The following PROSER2 variants were observed in gnomAD, a reference collection of about 807,000 sequenced individuals.
The protein encoded by PROSER2 is proline and serine-rich protein 2.
A neutral mutation model predicts 14.6 loss-of-function variants in PROSER2; 18 were observed. That is an observed-to-expected ratio of 1.23 (90% CI 0.85 to 1.83). The LOEUF (loss-of-function observed/expected upper bound fraction) is 1.83, where lower values mean the gene tolerates loss of function less well. PROSER2 is among the 40% of genes most tolerant of loss of function. The pLI is 0.00. For synonymous variants in PROSER2, 367 were observed against 286.4 expected (o/e 1.28, Z -2.84); for missense variants, 823 against 629.8 (o/e 1.31, Z -3.28).
chr10:11,866,920 C>A lies in PROSER2; in HGVS notation c.391+137C>A. The A allele has an allele frequency of 3.8e-6, 4 of 1,045,804 alleles. No individual in the cohort carries two copies. The highest frequency in any genetic ancestry group is 5.4e-6 in the Non-Finnish European group (4 of 743,390). The allele number at this position is 1,045,804 out of a possible 1,614,324, so 64.8% of individuals were successfully genotyped here. A position where few individuals can be genotyped will look rare whatever the true frequency, so the allele number is the denominator to read the frequency against. ...CCAGATTTTTATAGGGGAAAATACT[C>A]CTTGGCAGTTTCATCATCCAGCAAA... On this transcript the variant is annotated intron_variant, in intron 3 of 3. Coordinates refer to ENST00000277570, the MANE Select transcript of PROSER2 (RefSeq NM_153256.4). The surrounding 1 kb of genome is among the most constrained non-coding windows in gnomAD (Gnocchi z 6.0).
At chr10:11,828,965 G>C (rs764119179) in intron 1 of PROSER2, among the ~76,000 whole-genome samples, 1 of 152,008 alleles carries the variant, frequency 6.6e-6, no homozygotes, top group East Asian at 1.9e-4. Context: ...ATTTGAGCTG[G>C]GCCAACAAGG....
In PROSER2 at chr10:11,864,878, C is replaced by T. The variant is rs189549300; in HGVS notation, c.139-1653C>T. Among the ~76,000 whole-genome samples the T allele has an allele frequency of 2.8e-4, 42 of 152,242 alleles. No homozygotes were observed. The East Asian group carries it at 2.9e-3, about 10-fold the overall frequency. ...TACTGGGATTACAGGCGTGAGCCACCGCACCTGGCTTCTGATTTCTGATCT... is the reference window on the plus strand; with the variant it reads ...TACTGGGATTACAGGCGTGAGCCACTGCACCTGGCTTCTGATTTCTGATCT... On this transcript the variant is annotated intron_variant, in intron 2 of 3. Transcript: ENST00000277570.
chr10:11,864,606 T>C (rs76566748), intron 2 of PROSER2, among the ~76,000 whole-genome samples: 3 of 150,250 alleles, frequency 2.0e-5, no homozygotes, highest in African/African-American at 7.3e-5. Context: ...TTTTTTTTTT[T>C]GAGACAGAGT....
chr10:11,870,132 T>TC lies in PROSER2; in HGVS notation c.1037dup (p.Ser347LysfsTer146), dbSNP rs1407089941. On this transcript the variant is annotated frameshift_variant, in exon 4 of 4. Transcript: ENST00000277570. LOFTEE classifies it low-confidence loss of function (END_TRUNC). ...CGGGGCCCGGCGCTGGCCAACGGCT[T>TC]CCCAAGTGCGCACGAGGCCCTGAAG... 7.9e-6 allele frequency: 11 copies of TC among 1,388,010 alleles called. No individual in the cohort carries two copies. Among genetic ancestry groups the TC allele is most frequent in the Non-Finnish European group, 9.3e-6 (10 of 1,076,876 alleles). 86.0% of individuals were successfully genotyped at this position (1,388,010 alleles called of 1,614,324 possible). A position where few individuals can be genotyped will look rare whatever the true frequency, so the allele number is the denominator to read the frequency against.
intron 2 of PROSER2, among the ~76,000 whole-genome samples, chr10:11,864,536 T>C (rs1356548722): frequency 6.6e-6 from 1 of 152,150 alleles, no homozygotes; most frequent in Non-Finnish European, 1.5e-5. Flanking sequence ...ACAAGGATAC[T>C]ATTCTCTTAC....
intron 2 of PROSER2, among the ~76,000 whole-genome samples, chr10:11,861,074 C>G (rs981491456): frequency 1.5e-4 from 23 of 152,166 alleles, no homozygotes; most frequent in African/African-American, 5.3e-4. Context: ...CCACTGCACT[C>G]CAGCCTGGGC....
chr10:11,860,269 G>A (rs1834210157), intron 2 of PROSER2, among the ~76,000 whole-genome samples: 2 of 152,194 alleles, frequency 1.3e-5, no homozygotes, highest in East Asian at 1.9e-4. Context: ...TTGAGGATGT[G>A]AGAATCTCAG....
rs1284864235 is a variant in PROSER2 at position 11,871,090 on chromosome 10, G to C, written c.*684G>C. ...ACTCTGAGGTCTGGGACGTGTGCGT[G>C]AGCCTGTGTTTGTGTGTGTATGTTT... On this transcript the variant is annotated 3_prime_UTR_variant, in exon 4 of 4. Transcript: ENST00000277570. 1 of 152,216 alleles carries C rather than the reference G, an allele frequency of 6.6e-6. No individual in the cohort carries two copies. The highest frequency in any genetic ancestry group is 2.4e-5 in the African/African-American group (1 of 41,440). 9.4% of individuals were successfully genotyped at this position (152,216 alleles called of 1,614,324 possible). A position where few individuals can be genotyped will look rare whatever the true frequency, so the allele number is the denominator to read the frequency against.
At chr10:11,843,315 G>A (rs1214876462) in intron 1 of PROSER2, among the ~76,000 whole-genome samples, 6 of 151,380 alleles carry the variant, frequency 4.0e-5, no homozygotes, top group African/African-American at 1.2e-4. Context: ...CACTTTGGGA[G>A]GCAGAGGCAG....
At chr10:11,842,845 G>A (rs72768228) in intron 1 of PROSER2, among the ~76,000 whole-genome samples, 23,457 of 150,290 alleles carry the variant, frequency 0.16, 1,951 homozygotes, top group African/African-American at 0.21. Flanking sequence ...ATGTACATAT[G>A]TGTGCGTGAA....
At chr10:11,850,009 T>G (rs1833989030) in intron 1 of PROSER2, 1 of 152,306 alleles carries the variant, frequency 6.6e-6, no homozygotes, top group South Asian at 2.1e-4. Context: ...CCCTGGATCT[T>G]GGATTTCCCA....
chr10:11,839,344 G>A (rs1009370234), intron 1 of PROSER2, among the ~76,000 whole-genome samples: 5 of 152,020 alleles, frequency 3.3e-5, no homozygotes, highest in African/African-American at 1.2e-4. Context: ...AAAAACACAA[G>A]CTATAAACAA....
chr10:11,869,994 C>CG lies in PROSER2; in HGVS notation c.901dup (p.Asp301GlyfsTer27). ...GGCCACGCCGGCGCCTTCCCCGCCG[C>CG]GGGGGACGCCGGCGAGGGGGCCCCA... On this transcript the variant is annotated frameshift_variant, in exon 4 of 4. Transcript: ENST00000277570. LOFTEE classifies it low-confidence loss of function (END_TRUNC). The surrounding 1 kb of genome is among the most constrained non-coding windows in gnomAD (Gnocchi z 4.4). 1 of 1,260,068 alleles carries CG rather than the reference C, an allele frequency of 7.9e-7. No homozygotes were observed. 78.1% of individuals were successfully genotyped at this position (1,260,068 alleles called of 1,614,324 possible).
chr10:11,857,553 T>C (rs567292369), intron 2 of PROSER2, among the ~76,000 whole-genome samples: 1 of 152,170 alleles, frequency 6.6e-6, no homozygotes, highest in East Asian at 1.9e-4. Flanking sequence ...GAGACCAGCC[T>C]GGCCAACATG....
In PROSER2 at chr10:11,865,970, G is replaced by A. The variant is rs1302906662; in HGVS notation, c.139-561G>A. Among the ~76,000 whole-genome samples, 4 of 152,144 alleles carry A rather than the reference G, an allele frequency of 2.6e-5. No homozygotes were observed. The highest frequency in any genetic ancestry group is 1.3e-4 in the Admixed American group (2 of 15,274). On this transcript the variant is annotated intron_variant, in intron 2 of 3. Transcript: ENST00000277570. This position sits in a 1 kb window ranked among gnomAD's most constrained non-coding sequence, Gnocchi z 4.2. Reference sequence around the variant, plus strand: ...TCACTGGCTTTCCTGGGCCTTCTCAGTCAGTTTCCACCTGTCCTGCTCTCC... The same window carrying A: ...TCACTGGCTTTCCTGGGCCTTCTCAATCAGTTTCCACCTGTCCTGCTCTCC...
intron 1 of PROSER2, among the ~76,000 whole-genome samples, chr10:11,827,579 T>C (rs150053201): frequency 6.6e-6 from 1 of 152,226 alleles, no homozygotes; most frequent in East Asian, 1.9e-4. Flanking sequence ...ACCCCAAGCC[T>C]GGGGTATTGA....
intron 1 of PROSER2, among the ~76,000 whole-genome samples, chr10:11,832,569 G>A (rs931336660): frequency 1.3e-5 from 2 of 152,068 alleles, no homozygotes; most frequent in African/African-American, 2.4e-5. Context: ...TTAATACATC[G>A]TTATTTATGA....
chr10:11,863,080 G>A (rs1834274907), intron 2 of PROSER2: 1 of 152,184 alleles, frequency 6.6e-6, no homozygotes, highest in Non-Finnish European at 1.5e-5. Flanking sequence ...TGTTCTGCCT[G>A]CCTACCTAAC....
In PROSER2 at chr10:11,838,241, T is replaced by C. The variant is rs1833788585; in HGVS notation, c.-81-13756T>C. 1.3e-5 allele frequency among the ~76,000 whole-genome samples: 2 copies of C among 152,154 alleles called. No individual in the cohort carries two copies. Among genetic ancestry groups the C allele is most frequent in the African/African-American group, 2.4e-5 (1 of 41,418 alleles). ...AGTGGCATTCGGGCCTGGCTATGCA[T>C]GTAAAATACAGCGCTGGGTTTTAAA... On this transcript the variant is annotated intron_variant, in intron 1 of 3. Transcript: ENST00000277570. This position sits in a 1 kb window ranked among gnomAD's most constrained non-coding sequence, Gnocchi z 4.4.
Sources: allele counts gnomAD v4.1 joint callset (sites outside exome capture counted in the v4.1 genomes callset), GRCh38; gene constraint gnomAD v4.1.1; non-coding constraint Gnocchi (gnomAD v3.1); transcripts MANE v1.5; gene names NCBI Gene and HGNC (gene_info 2026-07-23, HGNC 2026-07-21).